KIAA0040: variants seen among roughly 807,000 people sequenced by gnomAD.
The protein encoded by KIAA0040 is uncharacterized protein KIAA0040.
KIAA0040 carries 10 observed loss-of-function variants against 7.2 expected under a neutral mutation model. The ratio of observed to expected loss-of-function variants is 1.38; its 90% CI spans 0.85 to 2.34. KIAA0040 has a LOEUF of 2.34. KIAA0040 is among the 30% of genes most tolerant of loss of function. The pLI, the probability that KIAA0040 is intolerant of heterozygous loss-of-function variation, is 0.00. For synonymous variants in KIAA0040, 49 were observed against 40.1 expected (o/e 1.22, Z -0.84); for missense variants, 89 against 108.2 (o/e 0.82, Z 0.79).
At chr1:175,184,457 A>G (rs950395197) in intron 1 of KIAA0040, among the ~76,000 whole-genome samples, 1 of 152,186 alleles carries the variant, frequency 6.6e-6, no homozygotes, top group African/African-American at 2.4e-5. Flanking sequence ...GTTCAGAGAC[A>G]GAGGACAGCC....
In KIAA0040 at chr1:175,157,495, C is replaced by T. The variant is rs1020309358; in HGVS notation, c.*3219G>A. The T allele has an allele frequency of 1.3e-5, 2 of 152,080 alleles. No individual in the cohort carries two copies. The highest frequency in any genetic ancestry group is 6.5e-5 in the Admixed American group (1 of 15,274). 9.4% of individuals were successfully genotyped at this position (152,080 alleles called of 1,614,324 possible). On this transcript the variant is annotated 3_prime_UTR_variant, in exon 4 of 4. Transcript: ENST00000423313. ...GAGTGATGTCTGAGTGGGGGTAATACCTAATGTTAAGAGAGTAACCATCTG... is the reference window on the plus strand; with the variant it reads ...GAGTGATGTCTGAGTGGGGGTAATATCTAATGTTAAGAGAGTAACCATCTG...
intron 2 of KIAA0040, among the ~76,000 whole-genome samples, chr1:175,171,369 A>T (rs1257172844): frequency 6.6e-6 from 1 of 152,122 alleles, no homozygotes; most frequent in Non-Finnish European, 1.5e-5. Flanking sequence ...TGCCTGTCCT[A>T]TTCTGTTTGG....
At chr1:175,189,291 C>T (rs1677780032) in intron 1 of KIAA0040, among the ~76,000 whole-genome samples, 1 of 152,172 alleles carries the variant, frequency 6.6e-6, no homozygotes, top group African/African-American at 2.4e-5. Flanking sequence ...GACTAATGCT[C>T]AGATTCAGGG....
At chr1:175,177,101 G>C (rs934227618) in intron 2 of KIAA0040, among the ~76,000 whole-genome samples, 1 of 152,168 alleles carries the variant, frequency 6.6e-6, no homozygotes, top group African/African-American at 2.4e-5. Flanking sequence ...TGGGAGGTAG[G>C]GGGGATGGTG....
rs564456214 is a variant in KIAA0040, at chr1:175,175,925, A to G, written c.-310+1686T>C. ...TAGCATTAGGAGATATACTTAATGT[A>G]ATGACGAGTTAATGGGTGCAGCACA... On this transcript the variant is annotated intron_variant, in intron 2 of 3. Coordinates refer to ENST00000423313, the MANE Select transcript of KIAA0040 (RefSeq NM_014656.3). Among the ~76,000 whole-genome samples, 13 of 152,342 alleles carry G rather than the reference A, an allele frequency of 8.5e-5. No individual in the cohort carries two copies. In the South Asian group the frequency reaches 2.5e-3, roughly 29 times the overall value.
intron 2 of KIAA0040, among the ~76,000 whole-genome samples, chr1:175,169,842 C>T (rs1558392569): frequency 6.6e-6 from 1 of 152,166 alleles, no homozygotes; most frequent in Non-Finnish European, 1.5e-5. Context: ...AGCCTCCTTC[C>T]TTCCTCACCC....
At chr1:175,182,405 T>C (rs1333359832) in intron 1 of KIAA0040, among the ~76,000 whole-genome samples, 2 of 152,208 alleles carry the variant, frequency 1.3e-5, no homozygotes, top group African/African-American at 4.8e-5. Context: ...CAGTTCCACC[T>C]GGCTCACGTT....
chr1:175,189,794 A>C (rs566591826), intron 1 of KIAA0040, among the ~76,000 whole-genome samples: 9 of 152,264 alleles, frequency 5.9e-5, no homozygotes, highest in Admixed American at 5.9e-4. Flanking sequence ...GATTCTAACC[A>C]TTGCCCTGGT....
Position 175,158,929 on chromosome 1 carries a change from T to C in KIAA0040, c.*1785A>G, listed in dbSNP as rs1367508595. The C allele has an allele frequency of 1.3e-5, 2 of 152,162 alleles. No homozygotes were observed. Among genetic ancestry groups the C allele is most frequent in the Non-Finnish European group, 2.9e-5 (2 of 68,030 alleles). The allele number at this position is 152,162 out of a possible 1,614,324, so 9.4% of individuals were successfully genotyped here. On this transcript the variant is annotated 3_prime_UTR_variant, in exon 4 of 4. Transcript: ENST00000423313. Reference sequence around the variant, plus strand: ...AAAGTACACCTGGAGGGCAGGTGAGTACCAAGCAGCCCAAGTGAGCAAATA... The same window carrying C: ...AAAGTACACCTGGAGGGCAGGTGAGCACCAAGCAGCCCAAGTGAGCAAATA...
chr1:175,172,816 G>A (rs1677039767), intron 2 of KIAA0040, among the ~76,000 whole-genome samples: 1 of 152,298 alleles, frequency 6.6e-6, no homozygotes, highest in Admixed American at 6.5e-5. Flanking sequence ...TTAATGCATC[G>A]CTGGGCAGAG....
At position 175,168,110 on chromosome 1, in the gene KIAA0040, G is replaced by C. The variant is rs115345534; in HGVS notation, c.-309-1373C>G. On this transcript the variant is annotated intron_variant, in intron 2 of 3. Coordinates refer to ENST00000423313, the MANE Select transcript of KIAA0040 (RefSeq NM_014656.3). ...AAGGCTCTCTGGCAGCGAGGGCACA[G>C]AGTGGAACCTCAGTCAGTAGTTATT... Among the ~76,000 whole-genome samples, 679 of 152,292 alleles carry C rather than the reference G, an allele frequency of 4.5e-3. 6 individuals carry two copies. Among genetic ancestry groups the C allele is most frequent in the African/African-American group, 0.015 (638 of 41,546 alleles).
rs77638116 is a variant in KIAA0040, at chr1:175,167,920, T to C, written c.-309-1183A>G. Among the ~76,000 whole-genome samples the C allele has an allele frequency of 8.0e-3, 1,211 of 151,272 alleles. 18 individuals are homozygous for C. Among genetic ancestry groups the C allele is most frequent in the African/African-American group, 0.028 (1,148 of 41,124 alleles). ...TTTTTTCCTTTCCAAAACAGGAAAA[T>C]CATCAGTCTCTACCTGACTCCTCAC... On this transcript the variant is annotated intron_variant, in intron 2 of 3. Transcript: ENST00000423313.
At chr1:175,189,281 GACT>G (rs1677779208) in intron 1 of KIAA0040, among the ~76,000 whole-genome samples, 1 of 152,200 alleles carries the variant, frequency 6.6e-6, no homozygotes, top group Non-Finnish European at 1.5e-5. Context: ...CCAAGTCATT[GACT>G]AATGCTCAGA....
At chr1:175,187,722 G>T (rs141743647) in intron 1 of KIAA0040, among the ~76,000 whole-genome samples, 1 of 144,564 alleles carries the variant, frequency 6.9e-6, no homozygotes, top group Non-Finnish European at 1.5e-5. Flanking sequence ...CCCTTCCCCT[G>T]CCCTTGACCC....
chr1:175,170,443 A>G (rs1676942042), intron 2 of KIAA0040, among the ~76,000 whole-genome samples: 1 of 152,076 alleles, frequency 6.6e-6, no homozygotes, highest in African/African-American at 2.4e-5. Context: ...GCTGCTCACC[A>G]CCTGTATGAT....
intron 3 of KIAA0040, among the ~76,000 whole-genome samples, chr1:175,161,396 C>T (rs567829983): frequency 9.9e-5 from 15 of 152,216 alleles, no homozygotes; most frequent in East Asian, 9.6e-4. Context: ...AGGTCTGGCA[C>T]GTAGGAAGTT....
chr1:175,179,745 A>C (rs1323518912), intron 1 of KIAA0040, among the ~76,000 whole-genome samples: 1 of 152,122 alleles, frequency 6.6e-6, no homozygotes. Flanking sequence ...CCTTCAATCT[A>C]CTGTAATTTG....
chr1:175,181,731 G>A (rs1178790398), intron 1 of KIAA0040, among the ~76,000 whole-genome samples: 8 of 152,216 alleles, frequency 5.3e-5, no homozygotes. Flanking sequence ...GTTAATTCCA[G>A]TGAGGAATCC....
chr1:175,163,207 G>A (rs941974060), intron 3 of KIAA0040, among the ~76,000 whole-genome samples: 7 of 152,204 alleles, frequency 4.6e-5, no homozygotes, highest in African/African-American at 1.7e-4. Flanking sequence ...AGGATTTACA[G>A]AATCTTACAA....
Sources: gnomAD v4.1 joint callset for allele counts (sites outside exome capture counted in the v4.1 genomes callset) on GRCh38, gnomAD v4.1.1 for gene constraint, MANE v1.5 for transcripts, NCBI Gene and HGNC (gene_info 2026-07-23, HGNC 2026-07-21) for gene names.